DNAH11: variants seen among roughly 807,000 people sequenced by gnomAD.
The protein encoded by DNAH11 is dynein axonemal heavy chain 11.
Under a neutral mutation model 526.0 loss-of-function variants are expected in DNAH11, and 442 were observed. The ratio of observed to expected loss-of-function variants is 0.84; its 90% CI spans 0.78 to 0.91. DNAH11 has a LOEUF of 0.91. Ranked by LOEUF, DNAH11 falls within the 40% of genes least tolerant of loss-of-function variation. The pLI is 0.00. For missense variants in DNAH11, 6,989 were observed against 5,448.7 expected (o/e 1.28, Z -8.90); for synonymous variants, 2,461 against 1,935.9 (o/e 1.27, Z -7.12).
intron 28 of DNAH11, among the ~76,000 whole-genome samples, chr7:21,654,461 C>A (rs146283667): frequency 6.6e-6 from 1 of 152,232 alleles, no homozygotes; most frequent in East Asian, 1.9e-4. Context: ...TATGGATATA[C>A]CACATTTTGT....
intron 20 of DNAH11, among the ~76,000 whole-genome samples, chr7:21,613,371 GAA>G (rs1359876943): frequency 6.6e-6 from 1 of 152,166 alleles, no homozygotes; most frequent in Non-Finnish European, 1.5e-5. Flanking sequence ...ATGAAATTAA[GAA>G]AAGGCATTAA....
intron 38 of DNAH11, 96 bp downstream of exon 38, chr7:21,704,724 C>G (rs1311557138): frequency 5.2e-6 from 7 of 1,350,322 alleles, no homozygotes; most frequent in African/African-American, 1.5e-5. Context: ...AACTTGTACC[C>G]TAACCTTAAT....
intron 6 of DNAH11, among the ~76,000 whole-genome samples, chr7:21,566,680 C>T (rs972081375): frequency 2.0e-5 from 3 of 151,426 alleles, no homozygotes; most frequent in Non-Finnish European, 2.9e-5. Flanking sequence ...AGTTCTCACC[C>T]GTTATACCAT....
At position 21,687,470 on chromosome 7, in the gene DNAH11, C is replaced by A; in HGVS notation, c.5867C>A (p.Ser1956Ter). 1 of 1,613,836 alleles carries A rather than the reference C, an allele frequency of 6.2e-7. No homozygotes were observed. The highest frequency in any genetic ancestry group is 1.1e-5 in the South Asian group (1 of 91,026). Residue 1956 changes from serine to a stop codon, truncating the protein, a stop_gained, in exon 34 of 82, where the codon TCA (serine) becomes TAA (stop). Coordinates refer to ENST00000409508, the MANE Select transcript of DNAH11 (RefSeq NM_001277115.2). LOFTEE classifies it high-confidence loss of function. Reference protein sequence around the residue: ...EFNRISVEVLSVVAVQVKMIH... With the variant: ...EFNRISVEVL ...AACCGAATCTCTGTGGAAGTTCTGT[C>A]AGTGGTGGCAGTACAAGTGAAAATG...
chr7:21,854,455 G>A lies in DNAH11; in HGVS notation c.11202G>A (p.Lys3734=), dbSNP rs901732529. The A allele has an allele frequency of 1.9e-6, 3 of 1,612,702 alleles. No homozygotes were observed. The highest frequency in any genetic ancestry group is 2.5e-6 in the Non-Finnish European group (3 of 1,179,382). Residue 3734 remains lysine, a splice_region_variant and synonymous_variant, in exon 68 of 82, where the codon AAG becomes AAA. Coordinates refer to ENST00000409508, the MANE Select transcript of DNAH11 (RefSeq NM_001277115.2). ...KINPLYQFSL[K]AFNVLFHRAI... The stretch of plus-strand genomic sequence containing the variant: ...ACCCCCTCTACCAATTCTCTTTGAA[G>A]GTAATGCTGAATGAGCTAAGAAATA...
At chr7:21,850,317 C>T (rs1782577067) in intron 66 of DNAH11, among the ~76,000 whole-genome samples, 1 of 138,380 alleles carries the variant, frequency 7.2e-6, no homozygotes, top group South Asian at 2.2e-4. Flanking sequence ...GATGGCGCCA[C>T]AGCGCTCCAG....
rs369240485 is a variant in DNAH11 at position 21,899,456 on chromosome 7, C to G, written c.13162+8C>G. On this transcript the variant is annotated splice_region_variant and intron_variant, in intron 80 of 81. Coordinates refer to ENST00000409508, the MANE Select transcript of DNAH11 (RefSeq NM_001277115.2). ...CTCAGTCCTTCTTAACTGGTAAGGG[C>G]TGACGCAGTGCAGCCCCTGATGCAC... 48 of 1,607,124 alleles carry G rather than the reference C, an allele frequency of 3.0e-5. No individual in the cohort carries two copies. The highest frequency in any genetic ancestry group is 2.7e-5 in the Non-Finnish European group (32 of 1,174,318).
intron 5 of DNAH11, 86 bp from the exon 6 acceptor site, chr7:21,564,100 C>T (rs540927392): frequency 2.4e-5 from 23 of 946,666 alleles, no homozygotes; most frequent in South Asian, 1.8e-4. Context: ...TGTTGTTTTA[C>T]GTGGCTCTCT....
intron 36 of DNAH11, among the ~76,000 whole-genome samples, chr7:21,701,314 G>A (rs138175429): frequency 1.1e-4 from 15 of 141,744 alleles, no homozygotes; most frequent in Non-Finnish European, 1.8e-4. Flanking sequence ...TTTTGAGACA[G>A]TGCCTCGCTT....
intron 25 of DNAH11, among the ~76,000 whole-genome samples, chr7:21,634,651 G>C (rs1405087507): frequency 6.6e-6 from 1 of 152,086 alleles, no homozygotes; most frequent in Non-Finnish European, 1.5e-5. Context: ...ATACACACTG[G>C]GGCCTAGTTG....
In DNAH11 at chr7:21,800,840, G is replaced by T. The variant is rs73685308; in HGVS notation, c.10027-297G>T. ...AGGGGGATGATAGTGCACCCACGGC[G>T]TATTTGCATCTTCAGCGCACATCCA... On this transcript the variant is annotated intron_variant, in intron 61 of 81. Coordinates refer to ENST00000409508, the MANE Select transcript of DNAH11 (RefSeq NM_001277115.2). 0.016 allele frequency among the ~76,000 whole-genome samples: 2,441 copies of T among 152,216 alleles called. 67 individuals are homozygous for T. The highest frequency in any genetic ancestry group is 0.055 in the African/African-American group (2,293 of 41,502).
intron 13 of DNAH11, 21 bp downstream of exon 13, chr7:21,591,043 A>G: frequency 6.9e-7 from 1 of 1,448,464 alleles, no homozygotes; most frequent in Non-Finnish European, 9.1e-7. Context: ...TTTGTTAAAA[A>G]AAAGATACTA....
chr7:21,701,604 T>C (rs1419280902), intron 36 of DNAH11, among the ~76,000 whole-genome samples: 1 of 152,208 alleles, frequency 6.6e-6, no homozygotes, highest in Non-Finnish European at 1.5e-5. Context: ...TTTGCTCTCA[T>C]TTGCATCACA....
intron 76 of DNAH11, among the ~76,000 whole-genome samples, chr7:21,886,143 A>G (rs1011275258): frequency 2.3e-4 from 35 of 152,280 alleles, no homozygotes; most frequent in African/African-American, 8.4e-4. Context: ...GTGATGTCCT[A>G]TTTATAGTTT....
intron 63 of DNAH11, among the ~76,000 whole-genome samples, chr7:21,809,968 T>A (rs367814530): frequency 6.6e-6 from 1 of 152,208 alleles, no homozygotes; most frequent in African/African-American, 2.4e-5. Flanking sequence ...TTTAGAGTTA[T>A]AGTTGGAAAA....
At chr7:21,833,688 C>G (rs746932825) in intron 65 of DNAH11, among the ~76,000 whole-genome samples, 1 of 151,632 alleles carries the variant, frequency 6.6e-6, no homozygotes, top group Non-Finnish European at 1.5e-5. Context: ...GAGCAAGACT[C>G]CACCTCAAAA....
intron 65 of DNAH11, among the ~76,000 whole-genome samples, chr7:21,834,257 A>C (rs374588616): frequency 2.6e-5 from 4 of 152,170 alleles, no homozygotes; most frequent in Non-Finnish European, 5.9e-5. Context: ...CTAAACAACA[A>C]ACGGGTCAAA....
At chr7:21,775,876 C>G (rs1005862623) in intron 56 of DNAH11, among the ~76,000 whole-genome samples, 6 of 152,150 alleles carry the variant, frequency 3.9e-5, no homozygotes, top group African/African-American at 1.2e-4. Flanking sequence ...ACTTTGCCCA[C>G]TATCAGGAAA....
intron 42 of DNAH11, among the ~76,000 whole-genome samples, chr7:21,716,729 C>T (rs570610836): frequency 6.6e-6 from 1 of 152,162 alleles, no homozygotes; most frequent in Non-Finnish European, 1.5e-5. Flanking sequence ...CTGTCGCTAC[C>T]ACACAGGGAC....
Sources: allele counts gnomAD v4.1 joint callset (sites outside exome capture counted in the v4.1 genomes callset), GRCh38; gene constraint gnomAD v4.1.1; transcripts MANE v1.5; gene names NCBI Gene and HGNC (gene_info 2026-07-23, HGNC 2026-07-21).